CDH18: variants seen among roughly 807,000 people sequenced by gnomAD.
The protein encoded by CDH18 is cadherin-18.
CDH18 carries 31 observed loss-of-function variants against 67.9 expected under a neutral mutation model. That is an observed-to-expected ratio of 0.46 (90% CI 0.34 to 0.62). The LOEUF (loss-of-function observed/expected upper bound fraction) is 0.62. CDH18 is among the 20% of genes least tolerant of loss of function. The pLI is 0.01. For missense variants in CDH18, 890 were observed against 975.5 expected (o/e 0.91, Z 1.17); for synonymous variants, 362 against 347.2 (o/e 1.04, Z -0.48).
chr5:19,589,975 C>A (rs1034178413), intron 7 of CDH18, among the ~76,000 whole-genome samples: 3 of 152,072 alleles, frequency 2.0e-5, no homozygotes, highest in Non-Finnish European at 4.4e-5. Context: ...CTATATAACT[C>A]TTCTTCATAG....
intron 2 of CDH18, among the ~76,000 whole-genome samples, chr5:20,206,893 T>C (rs947269745): frequency 1.3e-5 from 2 of 152,020 alleles, no homozygotes; most frequent in Admixed American, 6.6e-5. Context: ...ACTAATATCA[T>C]ACTGAACAGG....
chr5:19,756,356 G>A (rs1771600433), intron 3 of CDH18, among the ~76,000 whole-genome samples: 2 of 152,198 alleles, frequency 1.3e-5, no homozygotes, highest in Non-Finnish European at 2.9e-5. Flanking sequence ...TGGTCACGTG[G>A]TCGTAGCTGG....
intron 5 of CDH18, among the ~76,000 whole-genome samples, chr5:19,719,915 A>AAGAAAG (rs1554014141): frequency 8.9e-5 from 11 of 123,444 alleles, no homozygotes; most frequent in African/African-American, 3.2e-4. Flanking sequence ...GAAAGAAAGA[A>AAGAAAG]AGAAAGAAAG....
chr5:19,702,148 C>CA (rs1554008476), intron 5 of CDH18, among the ~76,000 whole-genome samples: 2 of 114,876 alleles, frequency 1.7e-5, no homozygotes, highest in Admixed American at 1.0e-4. Context: ...CTTTCTCTCT[C>CA]TTTTTTTTTT....
At chr5:19,813,204 G>A (rs1778930976) in intron 3 of CDH18, among the ~76,000 whole-genome samples, 1 of 151,962 alleles carries the variant, frequency 6.6e-6, no homozygotes, top group South Asian at 2.1e-4. Flanking sequence ...ATGGGTTGAT[G>A]GGTGCAGCAA....
intron 10 of CDH18, among the ~76,000 whole-genome samples, chr5:19,506,675 A>T (rs1744223887): frequency 1.3e-5 from 2 of 152,230 alleles, no homozygotes; most frequent in Non-Finnish European, 2.9e-5. Context: ...TGTTTAATAA[A>T]TGCTGCTGGG....
intron 1 of CDH18, among the ~76,000 whole-genome samples, chr5:20,549,250 TA>T (rs1333667550): frequency 6.6e-6 from 1 of 152,186 alleles, no homozygotes; most frequent in African/African-American, 2.4e-5. Context: ...TGTGGTTTTA[TA>T]AATGTTTGTG....
intron 2 of CDH18, among the ~76,000 whole-genome samples, chr5:20,161,754 A>G (rs894142116): frequency 2.0e-5 from 3 of 152,262 alleles, no homozygotes; most frequent in African/African-American, 7.2e-5. Context: ...TTTTCCACTG[A>G]AACTTATCAA....
intron 8 of CDH18, among the ~76,000 whole-genome samples, chr5:19,558,842 C>CA (rs1031909006): frequency 6.6e-6 from 1 of 151,646 alleles, no homozygotes; most frequent in South Asian, 2.1e-4. Context: ...GGGGACATAA[C>CA]AAAAAAAGAA....
chr5:19,817,460 A>T (rs971042158), intron 3 of CDH18, among the ~76,000 whole-genome samples: 1 of 152,056 alleles, frequency 6.6e-6, no homozygotes. Context: ...AAAAGTAACA[A>T]GAGACAATAA....
chr5:20,254,168 AG>A (rs1311636067), intron 2 of CDH18, among the ~76,000 whole-genome samples: 1 of 152,148 alleles, frequency 6.6e-6, no homozygotes, highest in Non-Finnish European at 1.5e-5. Flanking sequence ...GCTAGAGTGC[AG>A]TGGTGCGATC....
chr5:20,164,296 T>C (rs931212279), intron 2 of CDH18, among the ~76,000 whole-genome samples: 2 of 152,184 alleles, frequency 1.3e-5, no homozygotes, highest in African/African-American at 4.8e-5. Flanking sequence ...TTGTTTTTTG[T>C]ATTTTTTCAG....
chr5:20,163,832 AT>A (rs927961898), intron 2 of CDH18, among the ~76,000 whole-genome samples: 46 of 152,198 alleles, frequency 3.0e-4, no homozygotes, highest in African/African-American at 1.1e-3. Flanking sequence ...CAAAATGCAT[AT>A]TTTTTACATA....
chr5:19,657,244 A>G (rs1756531207), intron 5 of CDH18, among the ~76,000 whole-genome samples: 1 of 152,134 alleles, frequency 6.6e-6, no homozygotes, highest in Admixed American at 6.6e-5. Context: ...ATGTGATAGA[A>G]CAAAGAAGAA....
At chr5:20,086,599 G>A (rs567598242) in intron 2 of CDH18, among the ~76,000 whole-genome samples, 4 of 152,100 alleles carry the variant, frequency 2.6e-5, no homozygotes, top group Non-Finnish European at 4.4e-5. Flanking sequence ...TAAAGCCATT[G>A]CTCATTTACC....
At chr5:19,534,353 C>T (rs1749095723) in intron 9 of CDH18, among the ~76,000 whole-genome samples, 1 of 152,036 alleles carries the variant, frequency 6.6e-6, no homozygotes, top group South Asian at 2.1e-4. Flanking sequence ...GACAATTTAT[C>T]TCCCCAGGTT....
intron 2 of CDH18, among the ~76,000 whole-genome samples, chr5:20,150,424 T>C (rs1239331332): frequency 2.0e-5 from 3 of 151,956 alleles, no homozygotes; most frequent in African/African-American, 7.2e-5. Context: ...AAAGTAGAGA[T>C]GCCTATGAAG....
chr5:20,018,918 C>T (rs1738141730), intron 2 of CDH18, among the ~76,000 whole-genome samples: 1 of 148,182 alleles, frequency 6.7e-6, no homozygotes, highest in Non-Finnish European at 1.5e-5. Context: ...CCTCAGCCTC[C>T]CGTGTAGCTG....
intron 2 of CDH18, among the ~76,000 whole-genome samples, chr5:20,155,799 C>A (rs921332437): frequency 1.3e-5 from 2 of 151,982 alleles, no homozygotes; most frequent in Non-Finnish European, 2.9e-5. Flanking sequence ...TATGGTGATC[C>A]AATTTGCCTG....
Sources: gnomAD v4.1 joint callset for allele counts (sites outside exome capture counted in the v4.1 genomes callset) on GRCh38, gnomAD v4.1.1 for gene constraint, MANE v1.5 for transcripts, NCBI Gene and HGNC (gene_info 2026-07-23, HGNC 2026-07-21) for gene names.